TEP1: variants seen among roughly 807,000 people sequenced by gnomAD.
The protein encoded by TEP1 is telomerase protein component 1.
In TEP1, 241 loss-of-function variants were observed where a neutral mutation model predicts 306.3. The ratio of observed to expected loss-of-function variants is 0.79; its 90% CI spans 0.71 to 0.88. The LOEUF is 0.88. TEP1 is among the 40% of genes least tolerant of loss of function. The pLI, the probability that TEP1 is intolerant of heterozygous loss-of-function variation, is 0.00. For missense variants in TEP1, 3,051 were observed against 3,276.1 expected, an observed-to-expected ratio of 0.93 and a Z score of 1.68; for synonymous variants, 1,289 against 1,305.5, an observed-to-expected ratio of 0.99 and a Z score of 0.27.
intron 7 of TEP1, 28 bp from the exon 8 acceptor site, chr14:20,401,609 G>A: frequency 6.2e-7 from 1 of 1,612,684 alleles, no homozygotes; most frequent in Non-Finnish European, 8.5e-7. Context: ...AGTCCCACAG[G>A]GGTCCTTTCA....
chr14:20,410,123 T>G (rs946600166), intron 1 of TEP1, among the ~76,000 whole-genome samples: 1 of 150,992 alleles, frequency 6.6e-6, no homozygotes, highest in Non-Finnish European at 1.5e-5. Context: ...GAGCATTGCC[T>G]GGCACTAAGT....
intron 1 of TEP1, among the ~76,000 whole-genome samples, chr14:20,408,925 T>C (rs928796053): frequency 2.0e-5 from 3 of 152,002 alleles, no homozygotes; most frequent in African/African-American, 7.2e-5. Flanking sequence ...TGACCCCCGC[T>C]GCAGGACTAT....
intron 10 of TEP1, 148 bp from the exon 11 acceptor site, chr14:20,396,097 GA>G: frequency 3.8e-6 from 2 of 523,754 alleles, no homozygotes; most frequent in East Asian, 2.9e-5. Flanking sequence ...TAAGAAGAAA[GA>G]AAAAAGTCAT....
chr14:20,395,781 C>G, intron 11 of TEP1, 78 bp downstream of exon 11: 1 of 1,539,174 alleles, frequency 6.5e-7, no homozygotes, highest in Non-Finnish European at 8.9e-7. Context: ...AAGCAAGAGG[C>G]TAAAAATATT....
At chr14:20,371,978 A>G (rs1396855949) in intron 49 of TEP1, among the ~76,000 whole-genome samples, 2 of 152,130 alleles carry the variant, frequency 1.3e-5, no homozygotes, top group Non-Finnish European at 2.9e-5. Context: ...TTCCTAGGCT[A>G]TAGCTACAGG....
At position 20,367,265 on chromosome 14, in the gene TEP1, A is replaced by AGGCAG. The variant is rs1464472215; in HGVS notation, c.*1167_*1171dup. 1 of 151,886 alleles carries AGGCAG rather than the reference A, an allele frequency of 6.6e-6. No individual in the cohort carries two copies. The highest frequency in any genetic ancestry group is 6.6e-5 in the Admixed American group (1 of 15,212). The allele number at this position is 151,886 out of a possible 1,614,324, so 9.4% of individuals were successfully genotyped here. The stretch of plus-strand genomic sequence containing the variant: ...GTAATCCCAGCTACTCGGGAGGCTA[A>AGGCAG]GGCAGGAGAATCGCTTGAACCCAGG... On this transcript the variant is annotated 3_prime_UTR_variant, in exon 55 of 55. Coordinates refer to ENST00000262715, the MANE Select transcript of TEP1 (RefSeq NM_007110.5).
chr14:20,401,663 C>A (rs1594370153), intron 7 of TEP1, 82 bp from the exon 8 acceptor site: 4 of 1,547,960 alleles, frequency 2.6e-6, no homozygotes, highest in Middle Eastern at 1.7e-4. Flanking sequence ...GATTGTAAGA[C>A]CATCCGATCC....
chr14:20,373,072 G>A lies in TEP1; in HGVS notation c.6890C>T (p.Ser2297Phe), dbSNP rs761864592. ...AWAPDGSMAVSGNQAGELILW... is the reference protein window; with the variant it reads ...AWAPDGSMAVFGNQAGELILW... ...GATTAGTTCCCCAGCTTGATTTCCA[G>A]ATACTGCCATGGAACCATCTGGTGC... is the stretch of plus-strand genomic sequence containing the variant. Residue 2297 changes from serine to phenylalanine, a missense_variant, in exon 48 of 55, where the codon TCT becomes TTT. Physicochemically the swap from Ser to Phe is radical, Grantham distance 155. Coordinates refer to ENST00000262715, the MANE Select transcript of TEP1 (RefSeq NM_007110.5). The A allele has an allele frequency of 1.2e-6, 2 of 1,614,228 alleles. No individual in the cohort carries two copies. Among genetic ancestry groups the A allele is most frequent in the South Asian group, 1.1e-5 (1 of 91,090 alleles).
chr14:20,408,542 G>T, intron 1 of TEP1, 79 bp from the exon 2 acceptor site: 1 of 1,121,370 alleles, frequency 8.9e-7, no homozygotes, highest in Non-Finnish European at 1.3e-6. Context: ...CTTCCCCACA[G>T]CCCTCCTGAT....
Position 20,382,717 on chromosome 14 carries a change from T to C in TEP1, c.4048-2A>G. ...CCGCTTCACCAGCAGCAGTCGCATCTGGCAAGACTCAGGACTCAGGGTGGG... is the reference window on the plus strand; with the variant it reads ...CCGCTTCACCAGCAGCAGTCGCATCCGGCAAGACTCAGGACTCAGGGTGGG... On this transcript the variant is annotated splice_acceptor_variant, in intron 27 of 54. Transcript: ENST00000262715. LOFTEE classifies it high-confidence loss of function. 2 of 1,613,960 alleles carry C rather than the reference T, an allele frequency of 1.2e-6. No homozygotes were observed. Among genetic ancestry groups the C allele is most frequent in the Non-Finnish European group, 1.7e-6 (2 of 1,179,962 alleles).
intron 9 of TEP1, among the ~76,000 whole-genome samples, chr14:20,399,824 G>T (rs1340230436): frequency 2.6e-5 from 4 of 151,982 alleles, no homozygotes; most frequent in Non-Finnish European, 5.9e-5. Flanking sequence ...CAGGGACAGT[G>T]GTTCTCAACC....
chr14:20,386,491 G>A lies in TEP1; in HGVS notation c.2817C>T (p.Ile939=), dbSNP rs1014991881. 13 of 1,611,942 alleles carry A rather than the reference G, an allele frequency of 8.1e-6. No homozygotes were observed. The highest frequency in any genetic ancestry group is 4.0e-5 in the African/African-American group (3 of 74,874). Residue 939 remains isoleucine (I), a synonymous_variant, in exon 19 of 55, where the codon ATC becomes ATT. Transcript: ENST00000262715. ...AAPHRISLHG[I]DLRWGVTEEE... ...CCTCAGTGACGCCCCAGCGGAGGTC[G>A]ATTCCGTGAAGGCTGATACGGTGAG...
intron 9 of TEP1, among the ~76,000 whole-genome samples, chr14:20,398,145 C>T (rs935755135): frequency 1.9e-4 from 29 of 151,738 alleles, no homozygotes; most frequent in African/African-American, 5.8e-4. Flanking sequence ...TTTGGAAGGC[C>T]GACTCAGGCG....
At chr14:20,374,870 G>A (rs1241035922) in intron 43 of TEP1, among the ~76,000 whole-genome samples, 5 of 151,984 alleles carry the variant, frequency 3.3e-5, no homozygotes, top group Non-Finnish European at 7.4e-5. Flanking sequence ...CAGGTGGATC[G>A]CCTGAGGTCA....
At chr14:20,384,805 G>A (rs1876979737) in intron 21 of TEP1, 92 bp from the exon 22 acceptor site, 1 of 1,489,484 alleles carries the variant, frequency 6.7e-7, no homozygotes, top group Non-Finnish European at 9.2e-7. Context: ...ATTTCCTGAA[G>A]CTCCTCAAGT....
In TEP1 at chr14:20,383,659, G is replaced by A. The variant is rs1566456592; in HGVS notation, c.3711-15C>T. On this transcript the variant is annotated splice_polypyrimidine_tract_variant and intron_variant, in intron 25 of 54. Coordinates refer to ENST00000262715, the MANE Select transcript of TEP1 (RefSeq NM_007110.5). The stretch of plus-strand genomic sequence containing the variant: ...ACACCAGGCTTCTGTACATGGAGAG[G>A]AAGTCAGGGTCAGTGGGAGAGAAAA... The A allele has an allele frequency of 6.2e-7, 1 of 1,611,544 alleles. No individual in the cohort carries two copies.
At chr14:20,391,863 C>G in intron 12 of TEP1, 96 bp from the exon 13 acceptor site, 1 of 1,370,634 alleles carries the variant, frequency 7.3e-7, no homozygotes, top group Non-Finnish European at 1.0e-6. Context: ...AGTATTGAGT[C>G]TTCTCCCTCC....
At chr14:20,390,575 T>C in intron 15 of TEP1, 106 bp downstream of exon 15, 3 of 1,045,796 alleles carry the variant, frequency 2.9e-6, no homozygotes, top group Admixed American at 1.9e-5. Context: ...GATCTGACTA[T>C]TGTATGTGGT....
chr14:20,381,533 C>A lies in TEP1; in HGVS notation c.4558+20G>T. 1 of 1,613,282 alleles carries A rather than the reference C, an allele frequency of 6.2e-7. No homozygotes were observed. The highest frequency in any genetic ancestry group is 8.5e-7 in the Non-Finnish European group (1 of 1,180,012). On this transcript the variant is annotated intron_variant, in intron 31 of 54. Coordinates refer to ENST00000262715, the MANE Select transcript of TEP1 (RefSeq NM_007110.5). This position sits in a 1 kb window ranked among gnomAD's most constrained non-coding sequence, Gnocchi z 4.0. ...CCAAGCCCCACACTCAGTGCCCAGG[C>A]TGACTTGGGCTGCAATCACCTGCAA...
Sources: allele counts gnomAD v4.1 joint callset (sites outside exome capture counted in the v4.1 genomes callset), GRCh38; gene constraint gnomAD v4.1.1; non-coding constraint Gnocchi (gnomAD v3.1); transcripts MANE v1.5; gene names NCBI Gene and HGNC (gene_info 2026-07-23, HGNC 2026-07-21).